The following PKNOX1 variants were observed in gnomAD, a reference collection of about 807,000 sequenced individuals.
PKNOX1 encodes PBX/knotted 1 homeobox 1.
Under a neutral mutation model 51.9 loss-of-function variants are expected in PKNOX1, and 15 were observed. That is an observed-to-expected ratio of 0.29 (90% CI 0.19 to 0.45). The LOEUF is 0.45. PKNOX1 is among the 20% of genes least tolerant of loss of function. The pLI, the probability that PKNOX1 is intolerant of heterozygous loss-of-function variation, is 1.00. For missense variants in PKNOX1, 462 were observed against 547.5 expected (o/e 0.84, Z 1.56); for synonymous variants, 219 against 211.1 (o/e 1.04, Z -0.32).
chr21:43,018,265 G>C, intron 7 of PKNOX1, 35 bp downstream of exon 7: 1 of 1,381,086 alleles, frequency 7.2e-7, no homozygotes, highest in South Asian at 1.2e-5. Context: ...CTTTGGGGGC[G>C]AGTGCTGCCC....
intron 1 of PKNOX1, among the ~76,000 whole-genome samples, chr21:42,999,278 G>C (rs1175945214): frequency 6.6e-6 from 1 of 152,212 alleles, no homozygotes; most frequent in Non-Finnish European, 1.5e-5. Context: ...GCTGCACACA[G>C]AACAAGGACC....
chr21:43,024,862 T>C lies in PKNOX1; in HGVS notation c.850-9T>C. 6.3e-7 allele frequency: 1 copy of C among 1,596,164 alleles called. No homozygotes were observed. The highest frequency in any genetic ancestry group is 2.2e-5 in the East Asian group (1 of 44,788). Reference sequence around the variant, plus strand: ...GAAGGCCATGGTAACCTTCTTTTTTTATTTTCAGCATCCCTACCCAACAGA... The same window carrying C: ...GAAGGCCATGGTAACCTTCTTTTTTCATTTTCAGCATCCCTACCCAACAGA... On this transcript the variant is annotated splice_polypyrimidine_tract_variant and intron_variant, in intron 8 of 10. Transcript: ENST00000291547.
chr21:42,979,056 T>C (rs1434463282), intron 1 of PKNOX1, among the ~76,000 whole-genome samples: 3 of 152,242 alleles, frequency 2.0e-5, no homozygotes, highest in Non-Finnish European at 4.4e-5. Flanking sequence ...TGTGCCAGCA[T>C]GCCCAGCTAA....
intron 1 of PKNOX1, among the ~76,000 whole-genome samples, chr21:42,990,333 G>A (rs770028004): frequency 6.6e-6 from 1 of 152,148 alleles, no homozygotes; most frequent in Admixed American, 6.6e-5. Flanking sequence ...GTTCACAGCT[G>A]GGGTCTGGTC....
rs769636500 is a variant in PKNOX1, at chr21:43,021,072, G to A, written c.721-231G>A. The A allele has an allele frequency of 3.2e-6, 1 of 307,978 alleles. No individual in the cohort carries two copies. Among genetic ancestry groups the A allele is most frequent in the Non-Finnish European group, 6.2e-6 (1 of 160,894 alleles). 19.1% of individuals were successfully genotyped at this position (307,978 alleles called of 1,614,324 possible). ...TGCAGTGAGCCGTGACTGCACCACTGCACTCCAGCCTGAGTGACAGAGCAA... is the reference window on the plus strand; with the variant it reads ...TGCAGTGAGCCGTGACTGCACCACTACACTCCAGCCTGAGTGACAGAGCAA... On this transcript the variant is annotated intron_variant, in intron 7 of 10. Transcript: ENST00000291547. This position sits in a 1 kb window ranked among gnomAD's most constrained non-coding sequence, Gnocchi z 4.6.
intron 8 of PKNOX1, among the ~76,000 whole-genome samples, chr21:43,022,938 C>A (rs1460498059): frequency 6.6e-6 from 1 of 152,172 alleles, no homozygotes; most frequent in African/African-American, 2.4e-5. Flanking sequence ...AATGATAGAA[C>A]AACACCAAGT....
intron 1 of PKNOX1, among the ~76,000 whole-genome samples, chr21:42,995,250 A>G (rs1261582798): frequency 6.6e-6 from 1 of 151,658 alleles, no homozygotes; most frequent in Non-Finnish European, 1.5e-5. Flanking sequence ...CAGTTTCTTT[A>G]TAGAGTGCCT....
In PKNOX1 at chr21:42,976,094, C is replaced by T. The variant is rs143333889; in HGVS notation, c.-57+1430C>T. Among the ~76,000 whole-genome samples the T allele has an allele frequency of 5.3e-5, 8 of 152,272 alleles. No individual in the cohort carries two copies. The South Asian group carries it at 1.5e-3, about 28-fold the overall frequency. ...TGTGAATCCTGTCCTTGTACACAGG[C>T]GTACCTCAGATAATTCGAGTTCTAA... On this transcript the variant is annotated intron_variant, in intron 1 of 10. Transcript: ENST00000291547.
intron 7 of PKNOX1, among the ~76,000 whole-genome samples, chr21:43,019,977 G>T (rs954897342): frequency 7.1e-6 from 1 of 141,636 alleles, no homozygotes; most frequent in Non-Finnish European, 1.5e-5. Flanking sequence ...CTGTTACCCA[G>T]GCTGGAGTAT....
At chr21:43,016,865 C>A in intron 5 of PKNOX1, 43 bp from the exon 6 acceptor site, 1 of 1,319,418 alleles carries the variant, frequency 7.6e-7, no homozygotes. Flanking sequence ...ATGGGTTTTC[C>A]GTTTTCTAGT....
intron 1 of PKNOX1, among the ~76,000 whole-genome samples, chr21:42,999,097 C>G (rs912349707): frequency 2.0e-5 from 3 of 152,232 alleles, no homozygotes; most frequent in African/African-American, 7.2e-5. Context: ...TTTCTGAAAT[C>G]TAGGCGGAGG....
At chr21:43,012,936 T>C in intron 4 of PKNOX1, 132 bp from the exon 5 acceptor site, 1 of 697,124 alleles carries the variant, frequency 1.4e-6, no homozygotes, top group Non-Finnish European at 2.4e-6. Context: ...AGAGGATTTC[T>C]GATGTTATTC....
At chr21:43,002,897 A>G (rs1284334729) in intron 1 of PKNOX1, among the ~76,000 whole-genome samples, 2 of 151,956 alleles carry the variant, frequency 1.3e-5, no homozygotes, top group Non-Finnish European at 2.9e-5. Flanking sequence ...TTGTATTTTT[A>G]GTAGAGACAG....
chr21:43,014,896 AC>A (rs1486578475), intron 5 of PKNOX1, among the ~76,000 whole-genome samples: 1 of 152,064 alleles, frequency 6.6e-6, no homozygotes, highest in Non-Finnish European at 1.5e-5. Context: ...GTCTAGAGCT[AC>A]AAAAACATCT....
chr21:42,987,741 A>T (rs974278748), intron 1 of PKNOX1, among the ~76,000 whole-genome samples: 5 of 146,196 alleles, frequency 3.4e-5, no homozygotes, highest in Non-Finnish European at 7.5e-5. Flanking sequence ...GCCTCAGCCT[A>T]CAGAGTAGCT....
intron 3 of PKNOX1, among the ~76,000 whole-genome samples, chr21:43,009,313 T>C (rs996886175): frequency 3.9e-5 from 6 of 151,980 alleles, no homozygotes; most frequent in African/African-American, 1.5e-4. Context: ...GTCATGGTGG[T>C]GCATGCCTGT....
At chr21:43,024,068 A>G (rs2839622) in intron 8 of PKNOX1, among the ~76,000 whole-genome samples, 5,342 of 152,202 alleles carry the variant, frequency 0.035, 134 homozygotes, top group Middle Eastern at 0.061. Context: ...AAATGTTTCA[A>G]TCATACATAA....
At chr21:43,015,916 A>G (rs180941641) in intron 5 of PKNOX1, among the ~76,000 whole-genome samples, 3 of 151,612 alleles carry the variant, frequency 2.0e-5, no homozygotes, top group Admixed American at 2.0e-4. Flanking sequence ...TTTCAGTTTC[A>G]TTGATTTCAC....
intron 5 of PKNOX1, 129 bp from the exon 6 acceptor site, chr21:43,016,779 G>A (rs1442310939): frequency 2.0e-5 from 12 of 585,552 alleles, no homozygotes; most frequent in Non-Finnish European, 3.6e-5. Flanking sequence ...CGCGTCATCT[G>A]AGGATGTTCT....
Sources: gnomAD v4.1 joint callset for allele counts (sites outside exome capture counted in the v4.1 genomes callset) on GRCh38, gnomAD v4.1.1 for gene constraint, Gnocchi (gnomAD v3.1) non-coding constraint, MANE v1.5 for transcripts, NCBI Gene and HGNC (gene_info 2026-07-23, HGNC 2026-07-21) for gene names.